Variants in KLHL13 observed in about 807,000 individuals in gnomAD.
The protein encoded by KLHL13 is kelch-like protein 13.
A neutral mutation model predicts 37.1 loss-of-function variants in KLHL13; 10 were observed. The ratio of observed to expected loss-of-function variants is 0.27; its 90% CI spans 0.17 to 0.46. The LOEUF is 0.46. Ranked by LOEUF, KLHL13 falls within the 20% of genes least tolerant of loss-of-function variation. The pLI is 1.00. For synonymous variants in KLHL13, 163 were observed against 181.2 expected, an observed-to-expected ratio of 0.90 and a Z score of 0.81; for missense variants, 360 against 509.3, an observed-to-expected ratio of 0.71 and a Z score of 2.82.
chrX:117,992,548 C>T (rs1302853701), intron 1 of KLHL13, among the ~76,000 whole-genome samples: 1 of 110,756 alleles, frequency 9.0e-6, no homozygotes, highest in Non-Finnish European at 1.9e-5. Flanking sequence ...AACACACATA[C>T]ACACACCCTA....
intron 1 of KLHL13, among the ~76,000 whole-genome samples, chrX:118,070,841 G>A (rs749165926): frequency 9.2e-6 from 1 of 109,190 alleles, no homozygotes; most frequent in Non-Finnish European, 1.9e-5. Flanking sequence ...GTGACATGCT[G>A]GTGCACTGCA....
rs148231131 is a variant in KLHL13 at position 118,110,235 on chromosome X, C to A, written c.-56+6273G>T. On this transcript the variant is annotated intron_variant, in intron 1 of 6. Transcript: ENST00000371882. ...TGCATGTTTTTAATCTTAATGATGT[C>A]AAGTTTACAGAGGAAAATAAAGAAT... Among the ~76,000 whole-genome samples, 932 of 110,550 alleles carry A rather than the reference C, an allele frequency of 8.4e-3. 7 individuals are homozygous for A. Among genetic ancestry groups the A allele is most frequent in the Non-Finnish European group, 0.012 (659 of 52,875 alleles).
intron 1 of KLHL13, among the ~76,000 whole-genome samples, chrX:117,996,693 C>CT (rs1018833786): frequency 2.9e-4 from 32 of 110,359 alleles, no homozygotes; most frequent in African/African-American, 8.2e-4. Flanking sequence ...ATATACCAGG[C>CT]TTTTTTTCCT....
At chrX:118,070,970 C>A (rs763447199) in intron 1 of KLHL13, among the ~76,000 whole-genome samples, 2 of 106,827 alleles carry the variant, frequency 1.9e-5, no homozygotes, top group East Asian at 5.9e-4. Context: ...TGTGTTCTCA[C>A]TGTTCAGTTC....
Position 117,919,275 on chromosome X carries a change from C to T in KLHL13, c.570+246G>A, listed in dbSNP as rs774225395. ...CCAACCTTAGACGATCTGCCCGCCT[C>T]GGCCTCCCAAAGTGCTGGGATTACA... On this transcript the variant is annotated intron_variant, in intron 4 of 6. Transcript: ENST00000262820. Among the ~76,000 whole-genome samples the T allele has an allele frequency of 6.2e-5, 7 of 112,282 alleles. No individual in the cohort carries two copies. In the South Asian group the frequency reaches 1.9e-3, roughly 30 times the overall value.
At chrX:118,045,663 G>A (rs2054552554) in intron 1 of KLHL13, among the ~76,000 whole-genome samples, 1 of 110,441 alleles carries the variant, frequency 9.1e-6, no homozygotes, top group Non-Finnish European at 1.9e-5. Flanking sequence ...AAAAAAAGTA[G>A]ATGGGCGTGG....
intron 1 of KLHL13, among the ~76,000 whole-genome samples, chrX:118,019,208 C>T (rs1388709694): frequency 1.8e-5 from 2 of 111,610 alleles, no homozygotes; most frequent in Non-Finnish European, 3.8e-5. Context: ...CTTCCCATTT[C>T]TTCCCACTCC....
rs146646605 is a variant in KLHL13 at position 118,035,425 on chromosome X, A to C, written c.-56+81083T>G. ...AAAGGGGCTTCATCCCTGGGATGCAAGGCTGGTTCAATATACGCAAATCAA... is the reference window on the plus strand; with the variant it reads ...AAAGGGGCTTCATCCCTGGGATGCACGGCTGGTTCAATATACGCAAATCAA... On this transcript the variant is annotated intron_variant, in intron 1 of 6. Coordinates refer to the KLHL13 transcript ENST00000371882. Among the ~76,000 whole-genome samples the C allele has an allele frequency of 5.7e-3, 625 of 109,635 alleles. 3 individuals are homozygous for C. Among genetic ancestry groups the C allele is most frequent in the African/African-American group, 0.018 (534 of 28,869 alleles).
chrX:118,104,921 T>C (rs2055329612), intron 1 of KLHL13, among the ~76,000 whole-genome samples: 1 of 112,662 alleles, frequency 8.9e-6, no homozygotes, highest in Non-Finnish European at 1.9e-5. Flanking sequence ...AATAAAGCCG[T>C]TAAATATTTT....
At chrX:117,965,774 C>T (rs1323625203) in intron 1 of KLHL13, among the ~76,000 whole-genome samples, 1 of 111,635 alleles carries the variant, frequency 9.0e-6, no homozygotes, top group Non-Finnish European at 1.9e-5. Context: ...AAACATAATC[C>T]AGCATATAAA....
At position 118,061,720 on chromosome X, in the gene KLHL13, C is replaced by T. The variant is rs955856997; in HGVS notation, c.-56+54788G>A. On this transcript the variant is annotated intron_variant, in intron 1 of 6. Coordinates refer to the KLHL13 transcript ENST00000371882. ...AAAAAATGGCAGAGGATATTTGAGT[C>T]CATTCTTAAAGATTACAAACAAAGC... Among the ~76,000 whole-genome samples the T allele has an allele frequency of 2.7e-5, 3 of 111,306 alleles. 1 individual carries two copies. Among genetic ancestry groups the T allele is most frequent in the Non-Finnish European group, 3.8e-5 (2 of 52,869 alleles).
intron 2 of KLHL13, among the ~76,000 whole-genome samples, chrX:117,926,192 A>G (rs1203893572): frequency 2.7e-5 from 3 of 112,115 alleles, no homozygotes; most frequent in Non-Finnish European, 5.6e-5. Context: ...ACATTGAAGG[A>G]AAGGGATCTG....
At chrX:118,080,318 T>G (rs1273912579) in intron 1 of KLHL13, among the ~76,000 whole-genome samples, 1 of 110,610 alleles carries the variant, frequency 9.0e-6, no homozygotes, top group Non-Finnish European at 1.9e-5. Flanking sequence ...AAAGAAACTG[T>G]CAACAAACAG....
intron 2 of KLHL13, among the ~76,000 whole-genome samples, chrX:117,921,201 A>G (rs916164638): frequency 3.6e-5 from 4 of 112,108 alleles, no homozygotes; most frequent in Non-Finnish European, 5.6e-5. Context: ...ATCACTTTTA[A>G]GATTATAACA....
chrX:117,998,468 T>A (rs1227353919), intron 1 of KLHL13, among the ~76,000 whole-genome samples: 3 of 109,719 alleles, frequency 2.7e-5, no homozygotes, highest in Non-Finnish European at 5.7e-5. Flanking sequence ...TAGTAATAAG[T>A]AAAGAGATTC....
exon 1 of KLHL13, chrX:117,972,780 C>T: frequency 8.3e-7 from 1 of 1,211,615 alleles, no homozygotes; most frequent in Non-Finnish European, 1.1e-6. Context: ...AGCACAGGAA[C>T]TGGGAATTTC....
chrX:118,046,432 G>C (rs927297823), intron 1 of KLHL13, among the ~76,000 whole-genome samples: 11 of 111,961 alleles, frequency 9.8e-5, no homozygotes, highest in African/African-American at 3.6e-4. Context: ...TGGTTAATGA[G>C]TACAAAACTA....
At chrX:118,065,639 G>A (rs896573094) in intron 1 of KLHL13, among the ~76,000 whole-genome samples, 1 of 111,455 alleles carries the variant, frequency 9.0e-6, no homozygotes, top group East Asian at 2.8e-4. Flanking sequence ...AAGAAACAGA[G>A]CCAACGTAGC....
intron 1 of KLHL13, among the ~76,000 whole-genome samples, chrX:118,000,889 C>T (rs7064073): frequency 0.065 from 7,203 of 111,624 alleles, 552 homozygotes; most frequent in African/African-American, 0.22. Flanking sequence ...ATACAGACTG[C>T]TACCTTTCTA....
Sources: gnomAD v4.1 joint callset for allele counts (sites outside exome capture counted in the v4.1 genomes callset) on GRCh38, gnomAD v4.1.1 for gene constraint, MANE v1.5 for transcripts, NCBI Gene and HGNC (gene_info 2026-07-23, HGNC 2026-07-21) for gene names.